The following ANXA2 variants were observed in gnomAD, a reference collection of about 807,000 sequenced individuals.
ANXA2 encodes the protein annexin A2.
A neutral mutation model predicts 47.3 loss-of-function variants in ANXA2; 28 were observed. That is an observed-to-expected ratio of 0.59 (90% CI 0.44 to 0.81). ANXA2 has a LOEUF of 0.81. Ranked by LOEUF, ANXA2 falls within the 40% of genes least tolerant of loss-of-function variation. ANXA2 has a pLI of 0.00. For missense variants in ANXA2, 384 were observed against 414.3 expected (o/e 0.93, Z 0.64); for synonymous variants, 172 against 155.5 (o/e 1.11, Z -0.79).
intron 4 of ANXA2, chr15:60,363,046 A>G (rs1008476863): frequency 6.6e-6 from 1 of 151,180 alleles, no homozygotes; most frequent in Non-Finnish European, 1.5e-5. Flanking sequence ...AAAAAAAAAA[A>G]AAAAAAAAAA....
chr15:60,376,648 G>C (rs900729787), intron 3 of ANXA2, among the ~76,000 whole-genome samples: 9 of 152,196 alleles, frequency 5.9e-5, no homozygotes, highest in African/African-American at 2.2e-4. Flanking sequence ...TGCAAGTGAG[G>C]AGCTTTAGCT....
rs1317755286 is a variant in ANXA2 at position 60,365,865 on chromosome 15, T to TCC, written c.149-1344_149-1343dup. Among the ~76,000 whole-genome samples the TCC allele has an allele frequency of 1.7e-3, 76 of 44,406 alleles. 1 individual carries two copies. Among genetic ancestry groups the TCC allele is most frequent in the African/African-American group, 5.5e-3 (69 of 12,472 alleles). 29.1% of individuals were successfully genotyped at this position (44,406 alleles called of 152,430 possible). A position where few individuals can be genotyped will look rare whatever the true frequency, so the allele number is the denominator to read the frequency against. On this transcript the variant is annotated intron_variant, in intron 3 of 12. Transcript: ENST00000451270. ...CTCCCTCTCCCCCTCCCCCTCCCCC[T>TCC]CCCTCTCCCTCCACGGTCTCCCTCT...
Position 60,352,525 on chromosome 15 carries a change from G to T in ANXA2, c.589-49C>A. On this transcript the variant is annotated intron_variant, in intron 8 of 12. Transcript: ENST00000451270. The surrounding 1 kb of genome is among the most constrained non-coding windows in gnomAD (Gnocchi z 4.2). ...AAGTTAACTACACATCCAATGTAACGTCAAAAAAAATGTCATGCAAAAAAA... is the reference window on the plus strand; with the variant it reads ...AAGTTAACTACACATCCAATGTAACTTCAAAAAAAATGTCATGCAAAAAAA... 2 of 1,345,912 alleles carry T rather than the reference G, an allele frequency of 1.5e-6. No homozygotes were observed. Among genetic ancestry groups the T allele is most frequent in the Non-Finnish European group, 1.0e-6 (1 of 958,534 alleles). The allele number at this position is 1,345,912 out of a possible 1,614,324, so 83.4% of individuals were successfully genotyped here.
chr15:60,351,081 C>A (rs1895986390), intron 11 of ANXA2, 112 bp downstream of exon 11: 1 of 1,035,192 alleles, frequency 9.7e-7, no homozygotes, highest in Non-Finnish European at 1.5e-6. Context: ...GTTCCTGCAT[C>A]CACACAGTGG....
intron 3 of ANXA2, among the ~76,000 whole-genome samples, 184 bp from the exon 4 acceptor site, chr15:60,364,707 T>C (rs1392619039): frequency 3.3e-5 from 5 of 152,202 alleles, no homozygotes; most frequent in African/African-American, 1.2e-4. Flanking sequence ...GTACACTCTC[T>C]TTCCTTTTTT....
rs755538492 is a variant in ANXA2 at position 60,386,066 on chromosome 15, C to G, written c.10G>C (p.Val4Leu). The G allele has an allele frequency of 4.0e-5, 64 of 1,612,828 alleles. No individual in the cohort carries two copies. The highest frequency in any genetic ancestry group is 4.7e-5 in the Non-Finnish European group (56 of 1,179,346). Residue 4 changes from valine (V) to leucine (L), a missense_variant, in exon 2 of 13, where the codon GTT (valine) becomes CTT (leucine). Val to Leu is a conservative substitution (Grantham distance 32). Transcript: ENST00000451270. MST[V>L]HEILCKLSLE... is the part of the protein sequence containing the mutation. ...CTGAGCTTGCACAGGATTTCGTGAA[C>G]AGTAGACATTTTGAAGGAAGCTGGA...
At position 60,351,277 on chromosome 15, in the gene ANXA2, C is replaced by T. The variant is rs778394790; in HGVS notation, c.779-26G>A. Reference sequence around the variant, plus strand: ...CTGTGGAGAGAAGAAAGGGAGTCAGCGCTGCAGCTGCTCTGGTCTCTCCTC... The same window carrying T: ...CTGTGGAGAGAAGAAAGGGAGTCAGTGCTGCAGCTGCTCTGGTCTCTCCTC... On this transcript the variant is annotated intron_variant, in intron 10 of 12. Coordinates refer to ENST00000451270, the MANE Select transcript of ANXA2 (RefSeq NM_004039.3). The T allele has an allele frequency of 5.6e-5, 90 of 1,612,120 alleles. No individual in the cohort carries two copies. The South Asian group carries it at 8.2e-4, about 15-fold the overall frequency.
At chr15:60,353,524 G>C (rs963287376) in intron 8 of ANXA2, among the ~76,000 whole-genome samples, 2 of 152,342 alleles carry the variant, frequency 1.3e-5, no homozygotes, top group Non-Finnish European at 1.5e-5. Context: ...GATTCTGTAA[G>C]TAACACCAGC....
At chr15:60,361,188 CCCTCAACTG>C (rs1422981393) in intron 4 of ANXA2, 134 bp from the exon 5 acceptor site, 6 of 667,384 alleles carry the variant, frequency 9.0e-6, no homozygotes, top group African/African-American at 9.0e-5. Flanking sequence ...GGGTCAAACG[CCCTCAACTG>C]CATTCCCTTC....
intron 3 of ANXA2, among the ~76,000 whole-genome samples, chr15:60,368,701 G>A (rs971592842): frequency 6.6e-6 from 1 of 152,124 alleles, no homozygotes; most frequent in Admixed American, 6.5e-5. Flanking sequence ...ATGGGATTAT[G>A]TATAATCTTT....
intron 1 of ANXA2, among the ~76,000 whole-genome samples, chr15:60,389,793 T>C (rs901875196): frequency 6.6e-6 from 1 of 152,212 alleles, no homozygotes; most frequent in Non-Finnish European, 1.5e-5. Context: ...TACAGTTGAC[T>C]AGGGCCAAAA....
At chr15:60,385,134 T>G (rs2062915055) in intron 2 of ANXA2, among the ~76,000 whole-genome samples, 1 of 152,238 alleles carries the variant, frequency 6.6e-6, no homozygotes, top group Non-Finnish European at 1.5e-5. Context: ...GAAAATTCAG[T>G]TTAGTTCTAA....
chr15:60,389,204 C>G (rs902654105), intron 1 of ANXA2, among the ~76,000 whole-genome samples: 2 of 152,104 alleles, frequency 1.3e-5, no homozygotes, highest in Non-Finnish European at 2.9e-5. Context: ...CATAAACAGG[C>G]AAGAAATAAA....
At chr15:60,385,337 G>T (rs1487816801) in intron 2 of ANXA2, among the ~76,000 whole-genome samples, 1 of 152,178 alleles carries the variant, frequency 6.6e-6, no homozygotes, top group Non-Finnish European at 1.5e-5. Context: ...GGAGGCCAAG[G>T]CAGGCAGATC....
In ANXA2 at chr15:60,355,173, A is replaced by T. The variant is rs568980412; in HGVS notation, c.528+746T>A. Among the ~76,000 whole-genome samples the T allele has an allele frequency of 2.6e-5, 4 of 152,274 alleles. No individual in the cohort carries two copies. The East Asian group carries it at 7.7e-4, about 29-fold the overall frequency. ...ACCTTTCACAGCAGTTAGGAGTTTA[A>T]ATTTGATGCAGCAGAAATGGGGTTT... is the stretch of plus-strand genomic sequence containing the variant. On this transcript the variant is annotated intron_variant, in intron 7 of 12. Coordinates refer to ENST00000451270, the MANE Select transcript of ANXA2 (RefSeq NM_004039.3).
At chr15:60,348,986 G>A (rs1895858328) in intron 12 of ANXA2, 89 bp downstream of exon 12, 8 of 1,498,660 alleles carry the variant, frequency 5.3e-6, no homozygotes, top group Admixed American at 1.8e-5. Flanking sequence ...ACAGAAAATC[G>A]CCACTCTGTC....
In ANXA2 at chr15:60,381,218, T is replaced by C. The variant is rs1435739977; in HGVS notation, c.148+1124A>G. ...CTTTCAACGAACCGTATGTGAACTA[T>C]ATAAGTGTGTCAGTAAGTTAAAACG... is the stretch of plus-strand genomic sequence containing the variant. On this transcript the variant is annotated intron_variant, in intron 3 of 12. Transcript: ENST00000451270. 6.6e-5 allele frequency among the ~76,000 whole-genome samples: 10 copies of C among 152,162 alleles called. 1 individual carries two copies. Among genetic ancestry groups the C allele is most frequent in the Admixed American group, 6.5e-4 (10 of 15,278 alleles).
intron 3 of ANXA2, among the ~76,000 whole-genome samples, 199 bp downstream of exon 3, chr15:60,382,143 A>G (rs529976482): frequency 5.1e-4 from 77 of 151,576 alleles, no homozygotes; most frequent in African/African-American, 1.7e-3. Flanking sequence ...GAAGGGAGGG[A>G]AGGAGAAAAG....
chr15:60,362,442 T>A (rs2062529316), intron 4 of ANXA2, among the ~76,000 whole-genome samples: 1 of 152,152 alleles, frequency 6.6e-6, no homozygotes, highest in Non-Finnish European at 1.5e-5. Context: ...AACATAACCC[T>A]TCCCTGTAAG....
Sources: allele counts gnomAD v4.1 joint callset (sites outside exome capture counted in the v4.1 genomes callset), GRCh38; gene constraint gnomAD v4.1.1; non-coding constraint Gnocchi (gnomAD v3.1); transcripts MANE v1.5; gene names NCBI Gene and HGNC (gene_info 2026-07-23, HGNC 2026-07-21).